The following NTF3 variants were observed in gnomAD, a reference collection of about 807,000 sequenced individuals.
The protein encoded by NTF3 is neurotrophin-3.
Under a neutral mutation model 26.3 loss-of-function variants are expected in NTF3, and 8 were observed. The ratio of observed to expected loss-of-function variants is 0.30; its 90% CI spans 0.18 to 0.55. The LOEUF (loss-of-function observed/expected upper bound fraction) is 0.55, where lower values mean the gene tolerates loss of function less well. Among genes scored for constraint, NTF3 ranks in the 20% least tolerant of loss-of-function variants. The probability of loss-of-function intolerance (pLI) is 0.93; values close to 1 mark genes in which losing one functional copy is unlikely to be tolerated. For missense variants in NTF3, 276 were observed against 352.9 expected (o/e 0.78, Z 1.75); for synonymous variants, 154 against 145.5 (o/e 1.06, Z -0.42).
chr12:5,453,694 A>T (rs963042596), intron 1 of NTF3, among the ~76,000 whole-genome samples: 3 of 151,964 alleles, frequency 2.0e-5, no homozygotes, highest in Admixed American at 6.6e-5. Flanking sequence ...CATGCTTCCC[A>T]CTTGTTCGGG....
At chr12:5,439,850 G>A (rs1175685258) in intron 1 of NTF3, among the ~76,000 whole-genome samples, 5 of 152,182 alleles carry the variant, frequency 3.3e-5, no homozygotes, top group African/African-American at 4.8e-5. Flanking sequence ...TCTTTGATAG[G>A]CTAGGGAACT....
chr12:5,431,726 A>T (rs949109030), upstream of NTF3, among the ~76,000 whole-genome samples: 3 of 152,096 alleles, frequency 2.0e-5, no homozygotes, highest in Non-Finnish European at 2.9e-5. Flanking sequence ...AAAAAGAAAA[A>T]TTTCAAGAAA....
intron 1 of NTF3, among the ~76,000 whole-genome samples, chr12:5,444,939 C>T (rs944484619): frequency 6.6e-6 from 1 of 152,122 alleles, no homozygotes; most frequent in African/African-American, 2.4e-5. Context: ...CCTGGGAGGC[C>T]AGGGAGTAAT....
rs1940983404 is a variant in NTF3, at chr12:5,494,570, T to C, written c.395T>C (p.Leu132Pro). 1.9e-6 allele frequency: 3 copies of C among 1,613,832 alleles called. No individual in the cohort carries two copies. The highest frequency in any genetic ancestry group is 1.3e-5 in the African/African-American group (1 of 74,842). The change falls in exon 2 of 2, where the codon CTC (leucine) becomes CCC (proline). Residue 132 changes from leucine (L) to proline (P), a missense_variant. Physicochemically the swap from Leu to Pro is moderately conservative, Grantham distance 98. Around this residue, in one of 3 missense-constraint regions of NTF3, gnomAD observed 221 missense variants for 258.2 expected, o/e 0.86. Transcript: ENST00000423158. This position sits in a 1 kb window ranked among gnomAD's most constrained non-coding sequence, Gnocchi z 8.3. ...STPLEPPPLY[L>P]MEDYVGSPVV... is the part of the protein sequence containing the mutation. ...CCCTTGGAGCCCCCGCCCTTGTATC[T>C]CATGGAGGATTACGTGGGCAGCCCC...
intron 1 of NTF3, among the ~76,000 whole-genome samples, chr12:5,468,046 C>A (rs1335432466): frequency 6.6e-6 from 1 of 152,072 alleles, no homozygotes; most frequent in Non-Finnish European, 1.5e-5. Context: ...ATATTTTGGT[C>A]CTGTTCTCTG....
rs1296515345 is a variant in NTF3 at position 5,433,863 on chromosome 12, G to T, written c.18+1521G>T. 6.6e-6 allele frequency among the ~76,000 whole-genome samples: 1 copy of T among 152,130 alleles called. No individual in the cohort carries two copies. Among genetic ancestry groups the T allele is most frequent in the Non-Finnish European group, 1.5e-5 (1 of 68,022 alleles). On this transcript the variant is annotated intron_variant, in intron 1 of 1. Coordinates refer to ENST00000423158, the MANE Select transcript of NTF3 (RefSeq NM_001102654.2). This position sits in a 1 kb window ranked among gnomAD's most constrained non-coding sequence, Gnocchi z 4.6. ...CGGGGGCGAGGGCCTGCTGAGAGGG[G>T]AGGGGAGCCTGGAAGGGGTGGGTGT... is the stretch of plus-strand genomic sequence containing the variant.
chr12:5,440,406 C>T (rs66856138), intron 1 of NTF3, among the ~76,000 whole-genome samples: 3 of 152,040 alleles, frequency 2.0e-5, no homozygotes, highest in African/African-American at 7.2e-5. Context: ...GATCTAAGAC[C>T]CCAGCATTTA....
intron 1 of NTF3, among the ~76,000 whole-genome samples, chr12:5,469,368 T>TA (rs1262772938): frequency 1.3e-5 from 2 of 152,050 alleles, no homozygotes; most frequent in Admixed American, 6.6e-5. Flanking sequence ...CGGCAGAGCT[T>TA]AGACACCTGC....
At chr12:5,434,651 CTG>C (rs1186195205) in intron 1 of NTF3, among the ~76,000 whole-genome samples, 2 of 152,080 alleles carry the variant, frequency 1.3e-5, no homozygotes, top group Admixed American at 1.3e-4. Flanking sequence ...AATGCGAAAT[CTG>C]TGCCTATGAA....
intron 1 of NTF3, among the ~76,000 whole-genome samples, chr12:5,464,477 T>C (rs1591599233): frequency 6.6e-6 from 1 of 152,332 alleles, no homozygotes; most frequent in Non-Finnish European, 1.5e-5. Flanking sequence ...CCATCATTAA[T>C]TGAAGATACT....
At chr12:5,443,865 G>GA (rs919652304) in intron 1 of NTF3, among the ~76,000 whole-genome samples, 120 of 150,732 alleles carry the variant, frequency 8.0e-4, no homozygotes, top group Non-Finnish European at 9.5e-4. Flanking sequence ...GAGAGAGAGA[G>GA]AAAAAAAAAG....
chr12:5,482,723 C>T (rs1310514905), intron 1 of NTF3, among the ~76,000 whole-genome samples: 1 of 151,846 alleles, frequency 6.6e-6, no homozygotes, highest in Non-Finnish European at 1.5e-5. Flanking sequence ...CACTCACTGT[C>T]TCTCTGTCTC....
chr12:5,453,051 G>A (rs1037092375), intron 1 of NTF3, among the ~76,000 whole-genome samples: 6 of 152,176 alleles, frequency 3.9e-5, no homozygotes, highest in African/African-American at 1.4e-4. Context: ...TTTCTCATCT[G>A]TAAAATGGGG....
intron 1 of NTF3, among the ~76,000 whole-genome samples, chr12:5,472,121 G>A (rs911435186): frequency 2.0e-5 from 3 of 152,114 alleles, no homozygotes; most frequent in Admixed American, 2.0e-4. Flanking sequence ...GCTCCGTAAA[G>A]CTTTGTTTTT....
In NTF3 at chr12:5,495,136, A is replaced by G. The variant is rs1940992927; in HGVS notation, c.*148A>G. Reference sequence around the variant, plus strand: ...CCTACAGTATATAAGCTTTTTTCTCAATAAAATCAGTGTGCTTGCCTTCCC... The same window carrying G: ...CCTACAGTATATAAGCTTTTTTCTCGATAAAATCAGTGTGCTTGCCTTCCC... On this transcript the variant is annotated 3_prime_UTR_variant, in exon 2 of 2. Transcript: ENST00000423158. 5 of 882,754 alleles carry G rather than the reference A, an allele frequency of 5.7e-6. No individual in the cohort carries two copies. Among genetic ancestry groups the G allele is most frequent in the Non-Finnish European group, 1.7e-6 (1 of 589,500 alleles). The allele number at this position is 882,754 out of a possible 1,614,324, so 54.7% of individuals were successfully genotyped here.
chr12:5,450,214 G>A (rs1549036), intron 1 of NTF3, among the ~76,000 whole-genome samples: 149,163 of 152,334 alleles, frequency 0.98, 73,111 homozygotes, highest in East Asian at 1. Context: ...CCAAGAACAC[G>A]GTTTGGTGTC....
intron 1 of NTF3, among the ~76,000 whole-genome samples, chr12:5,470,058 G>A (rs1940645116): frequency 1.3e-5 from 2 of 152,152 alleles, no homozygotes; most frequent in Admixed American, 1.3e-4. Context: ...CTGAGTAGCT[G>A]GGACTACAGG....
Position 5,491,716 on chromosome 12 carries a change from C to CTT in NTF3, c.19-2458_19-2457dup, listed in dbSNP as rs5796156. ...CACTTTCCTGTGGGTCTCTCCTCTT[C>CTT]TTTTTTTTTTTTTTTTTTTTTGAAT... On this transcript the variant is annotated intron_variant, in intron 1 of 1. Coordinates refer to ENST00000423158, the MANE Select transcript of NTF3 (RefSeq NM_001102654.2). Among the ~76,000 whole-genome samples the CTT allele has an allele frequency of 8.2e-3, 809 of 98,174 alleles. 34 individuals are homozygous for CTT. Among genetic ancestry groups the CTT allele is most frequent in the Non-Finnish European group, 0.011 (557 of 50,722 alleles). The allele number at this position is 98,174 out of a possible 152,430, so 64.4% of individuals were successfully genotyped here.
chr12:5,484,352 C>T (rs974552131), intron 1 of NTF3, among the ~76,000 whole-genome samples: 1 of 152,116 alleles, frequency 6.6e-6, no homozygotes, highest in Admixed American at 6.5e-5. Flanking sequence ...ATAATCATTT[C>T]TTCTCTATTT....
Sources: allele counts gnomAD v4.1 joint callset (sites outside exome capture counted in the v4.1 genomes callset), GRCh38; gene constraint gnomAD v4.1.1; regional missense constraint gnomAD v4.1.1; non-coding constraint Gnocchi (gnomAD v3.1); transcripts MANE v1.5; gene names NCBI Gene and HGNC (gene_info 2026-07-23, HGNC 2026-07-21).